The following CACNA1S variants were observed in gnomAD, a reference collection of about 807,000 sequenced individuals.
CACNA1S encodes calcium voltage-gated channel subunit alpha1 S.
CACNA1S carries 126 observed loss-of-function variants against 207.4 expected under a neutral mutation model. That is an observed-to-expected ratio of 0.61 (90% CI 0.53 to 0.70). The LOEUF is 0.70. CACNA1S is among the 30% of genes least tolerant of loss of function. The pLI is 0.00. For missense variants in CACNA1S, 2,349 were observed against 2,422.8 expected, an observed-to-expected ratio of 0.97 and a Z score of 0.64; for synonymous variants, 960 against 932.7, an observed-to-expected ratio of 1.03 and a Z score of -0.53.
chr1:201,041,491 A>C lies in CACNA1S; in HGVS notation c.5134+13T>G. The stretch of plus-strand genomic sequence containing the variant: ...GAAGACTCAAGCTTCTTAGATGCAC[A>C]GAAGGGACTGACCCAGGACCCTGCA... On this transcript the variant is annotated intron_variant, in intron 41 of 43. Coordinates refer to ENST00000362061, the MANE Select transcript of CACNA1S (RefSeq NM_000069.3). 6.2e-7 allele frequency: 1 copy of C among 1,605,826 alleles called. No homozygotes were observed. The highest frequency in any genetic ancestry group is 8.5e-7 in the Non-Finnish European group (1 of 1,172,590).
intron 10 of CACNA1S, among the ~76,000 whole-genome samples, chr1:201,079,209 C>T (rs1471327441): frequency 6.6e-6 from 1 of 151,940 alleles, no homozygotes; most frequent in Non-Finnish European, 1.5e-5. Context: ...GTCAAACTCC[C>T]GAAAGTTGTC....
chr1:201,056,841 C>G lies in CACNA1S; in HGVS notation c.3609+1567G>C, dbSNP rs12563506. ...TAAGGCAGGTCCTGCTGCTGTTTCTCATTCCACCTCCAAACCCTCATCCCC... is the reference window on the plus strand; with the variant it reads ...TAAGGCAGGTCCTGCTGCTGTTTCTGATTCCACCTCCAAACCCTCATCCCC... On this transcript the variant is annotated intron_variant, in intron 28 of 43. Transcript: ENST00000362061. Among the ~76,000 whole-genome samples the G allele has an allele frequency of 8.3e-4, 127 of 152,348 alleles. 2 individuals are homozygous for G. The East Asian group carries it at 0.023, about 28-fold the overall frequency.
chr1:201,056,254 G>A (rs757735759), intron 28 of CACNA1S, among the ~76,000 whole-genome samples: 1 of 151,920 alleles, frequency 6.6e-6, no homozygotes, highest in Non-Finnish European at 1.5e-5. Context: ...TCAGACAGAC[G>A]ATGTGACAGC....
At chr1:201,097,644 G>T (rs996674771) in intron 2 of CACNA1S, among the ~76,000 whole-genome samples, 2 of 152,172 alleles carry the variant, frequency 1.3e-5, no homozygotes, top group African/African-American at 2.4e-5. Context: ...CCTCACATGT[G>T]TTTCTAACTG....
chr1:201,040,510 T>G (rs559696480), intron 42 of CACNA1S, 112 bp downstream of exon 42: 2 of 1,408,538 alleles, frequency 1.4e-6, no homozygotes, highest in African/African-American at 2.8e-5. Flanking sequence ...GTCCCTTCTG[T>G]ACTGTTGGAC....
rs1386760958 is a variant in CACNA1S at position 201,040,053 on chromosome 1, C to G, written c.5400G>C (p.Leu1800Phe). 2.5e-6 allele frequency: 4 copies of G among 1,614,200 alleles called. No individual in the cohort carries two copies. The highest frequency in any genetic ancestry group is 2.2e-5 in the South Asian group (2 of 91,088). The change falls in exon 44 of 44, where the codon TTG (leucine) becomes TTC (phenylalanine). Residue 1800 changes from leucine (L) to phenylalanine (F), a missense_variant. Coordinates refer to ENST00000362061, the MANE Select transcript of CACNA1S (RefSeq NM_000069.3). ...KALVRGGLGT[L>F]AADANFIMAT... is the part of the protein sequence containing the mutation. ...CCATGATGAAGTTTGCATCAGCTGCCAAGGTGCCCAGGCCCCCTCGAACCA... is the reference window on the plus strand; with the variant it reads ...CCATGATGAAGTTTGCATCAGCTGCGAAGGTGCCCAGGCCCCCTCGAACCA...
chr1:201,056,900 C>T (rs973978322), intron 28 of CACNA1S, among the ~76,000 whole-genome samples: 2 of 152,150 alleles, frequency 1.3e-5, no homozygotes, highest in South Asian at 4.1e-4. Context: ...CCTGTCAGCT[C>T]AACCTTCAAA....
intron 26 of CACNA1S, among the ~76,000 whole-genome samples, chr1:201,060,054 T>C (rs1660986479): frequency 6.6e-6 from 1 of 152,220 alleles, no homozygotes. Context: ...CTCTGCGACC[T>C]GGGCCTCCTG....
Position 201,091,716 on chromosome 1 carries a change from C to T in CACNA1S, c.618G>A (p.Met206Ile). The T allele has an allele frequency of 6.2e-7, 1 of 1,614,072 alleles. No homozygotes were observed. Among genetic ancestry groups the T allele is most frequent in the Non-Finnish European group, 8.5e-7 (1 of 1,179,948 alleles). The change falls in exon 5 of 44, where the codon ATG becomes ATA. Residue 206 changes from methionine (M) to isoleucine (I), a missense_variant. Met to Ile is a conservative substitution (Grantham distance 10). Transcript: ENST00000362061. ...LFHIALLVLF[M>I]VIIYAIIGLE... Reference sequence around the variant, plus strand: ...GCCCGATGATGGCATAGATGATGACCATAAAGAGGACCAGCAGGGCGATGT... The same window carrying T: ...GCCCGATGATGGCATAGATGATGACTATAAAGAGGACCAGCAGGGCGATGT...
At chr1:201,090,549 C>G (rs1662187092) in intron 5 of CACNA1S, among the ~76,000 whole-genome samples, 1 of 152,152 alleles carries the variant, frequency 6.6e-6, no homozygotes, top group African/African-American at 2.4e-5. Context: ...AGGCCTAGAA[C>G]AGTTATTCTG....
rs200379217 is a variant in CACNA1S at position 201,072,765 on chromosome 1, G to A, written c.2217C>T (p.Ala739=). The A allele has an allele frequency of 2.8e-5, 45 of 1,613,086 alleles. No individual in the cohort carries two copies. The highest frequency in any genetic ancestry group is 4.0e-5 in the African/African-American group (3 of 74,992). Residue 739 remains alanine (A), a synonymous_variant, in exon 16 of 44, where the codon GCC becomes GCT. Coordinates refer to ENST00000362061, the MANE Select transcript of CACNA1S (RefSeq NM_000069.3). ...CTCCAGCATCCTCACCTGGGAAGTC[G>A]GCTGAGGGGTAGGGATCCTTCACCT... ...VNEVKDPYPS[A]DFPGDDEEDE...
intron 1 of CACNA1S, among the ~76,000 whole-genome samples, chr1:201,111,675 G>A (rs1160417995): frequency 2.0e-5 from 3 of 152,076 alleles, no homozygotes; most frequent in African/African-American, 7.2e-5. Context: ...ACCCAAACAA[G>A]GGAGAGTTTT....
In CACNA1S at chr1:201,085,471, T is replaced by C. The variant is rs770673735; in HGVS notation, c.1115A>G (p.Gln372Arg). 6.2e-7 allele frequency: 1 copy of C among 1,613,336 alleles called. No individual in the cohort carries two copies. The highest frequency in any genetic ancestry group is 8.5e-7 in the Non-Finnish European group (1 of 1,179,938). Residue 372 changes from glutamine to arginine, a missense_variant, in exon 8 of 44, where the codon CAG becomes CGG. Gln to Arg is a conservative substitution (Grantham distance 43, BLOSUM62 1). Transcript: ENST00000362061. ...GTCCTCAACATCCATGACCTCGCCCTGCGTGATCCAGCTCATGTAGCCCCG... is the reference window on the plus strand; with the variant it reads ...GTCCTCAACATCCATGACCTCGCCCCGCGTGATCCAGCTCATGTAGCCCCG... ...DLRGYMSWIT[Q>R]GEVMDVEDFR...
At chr1:201,058,589 A>G in intron 27 of CACNA1S, 98 bp from the exon 28 acceptor site, 1 of 985,888 alleles carries the variant, frequency 1.0e-6, no homozygotes, top group African/African-American at 1.6e-5. Context: ...GCTAATGCGG[A>G]GCTGCGGGTT....
At chr1:201,079,192 T>C (rs1161698521) in intron 10 of CACNA1S, among the ~76,000 whole-genome samples, 1 of 150,992 alleles carries the variant, frequency 6.6e-6, no homozygotes, top group Non-Finnish European at 1.5e-5. Flanking sequence ...CTCTCCTCCC[T>C]GTCACCGTCA....
rs375761848 is a variant in CACNA1S at position 201,074,141 on chromosome 1, CG to C, written c.2063+364del. Reference sequence around the variant, plus strand: ...CTCCAACCAGCAGCATGGGCACCACCGGGGAGCCTGTTCGATGTAGAACTCC... The same window carrying C: ...CTCCAACCAGCAGCATGGGCACCACCGGGAGCCTGTTCGATGTAGAACTCC... On this transcript the variant is annotated intron_variant, in intron 14 of 43. Transcript: ENST00000362061. 9.4e-4 allele frequency among the ~76,000 whole-genome samples: 143 copies of C among 151,516 alleles called. 4 individuals carry two copies. The highest frequency in any genetic ancestry group is 3.2e-3 in the African/African-American group (134 of 41,520).
In CACNA1S at chr1:201,077,993, A is replaced by G; in HGVS notation, c.1505T>C (p.Phe502Ser). 1 of 1,614,176 alleles carries G rather than the reference A, an allele frequency of 6.2e-7. No homozygotes were observed. Among genetic ancestry groups the G allele is most frequent in the Non-Finnish European group, 8.5e-7 (1 of 1,179,982 alleles). Reference protein sequence around the residue: ...FMSIFNRFDCFVVCSGILEIL... With the variant: ...FMSIFNRFDCSVVCSGILEIL... ...CTCCAGGATACCGCTACACACCACG[A>G]AGCAGTCGAAGCGGTTGAAGATAGA... The change falls in exon 11 of 44, where the codon TTC becomes TCC. Residue 502 changes from phenylalanine to serine, a missense_variant. Physicochemically the swap from Phe to Ser is radical, Grantham distance 155. Transcript: ENST00000362061.
chr1:201,049,012 T>C lies in CACNA1S; in HGVS notation c.4329A>G (p.Val1443=), dbSNP rs1175511261. Residue 1443 remains valine, a synonymous_variant, in exon 35 of 44, where the codon GTA becomes GTG. Transcript: ENST00000362061. The part of the protein sequence containing the change: ...LGFGKFCPHR[V]ACKRLVGMNM... ...TGGCAGCTCTGGTTACCTTACAAGC[T>C]ACCCGATGTGGGCAGAACTTCCCAA... 1.9e-6 allele frequency: 3 copies of C among 1,613,582 alleles called. No individual in the cohort carries two copies. Among genetic ancestry groups the C allele is most frequent in the Non-Finnish European group, 2.5e-6 (3 of 1,179,660 alleles).
In CACNA1S at chr1:201,061,434, C is replaced by T. The variant is rs755149027; in HGVS notation, c.3088G>A (p.Asp1030Asn). 2.5e-6 allele frequency: 4 copies of T among 1,614,210 alleles called. No homozygotes were observed. The highest frequency in any genetic ancestry group is 2.5e-6 in the Non-Finnish European group (3 of 1,180,034). ...CGGTTGTTGTAGATGGGACCCACGT[C>T]CTCCGCATTGGAGTCTATGGCCTTG... The part of the protein sequence containing the change: ...LYKAIDSNAE[D>N]VGPIYNNRVE... Residue 1030 changes from aspartate (D) to asparagine (N), a missense_variant, in exon 25 of 44, where the codon GAC (aspartate) becomes AAC (asparagine). Coordinates refer to ENST00000362061, the MANE Select transcript of CACNA1S (RefSeq NM_000069.3).
Sources: gnomAD v4.1 joint callset for allele counts (sites outside exome capture counted in the v4.1 genomes callset) on GRCh38, gnomAD v4.1.1 for gene constraint, MANE v1.5 for transcripts, NCBI Gene and HGNC (gene_info 2026-07-23, HGNC 2026-07-21) for gene names.